The following PROC variants were observed in gnomAD, a reference collection of about 807,000 sequenced individuals.
PROC encodes the protein vitamin K-dependent protein C.
A neutral mutation model predicts 36.3 loss-of-function variants in PROC; 22 were observed. The observed-to-expected ratio is 0.61, with a 90% CI of 0.43 to 0.86. PROC has a LOEUF of 0.86. Among genes scored for constraint, PROC ranks in the 40% least tolerant of loss-of-function variants. The probability of loss-of-function intolerance (pLI) is 0.00; values close to 1 mark genes in which losing one functional copy is unlikely to be tolerated. For missense variants in PROC, 526 were observed against 629.7 expected (o/e 0.84, Z 1.76); for synonymous variants, 218 against 244.5 (o/e 0.89, Z 1.01).
At chr2:127,428,330 A>T (rs1688658950) in intron 8 of PROC, 27 bp from the exon 9 acceptor site, 2 of 1,609,844 alleles carry the variant, frequency 1.2e-6, no homozygotes, top group South Asian at 2.2e-5. Flanking sequence ...CCCGCAGCCC[A>T]CTCTGACTGT....
rs752294542 is a variant in PROC at position 127,421,416 on chromosome 2, G to A, written c.204G>A (p.Glu68=). 5.0e-6 allele frequency: 8 copies of A among 1,613,992 alleles called. No homozygotes were observed. The South Asian group carries it at 7.7e-5, about 16-fold the overall frequency. ...TAGAGGAGATCTGTGACTTCGAGGA[G>A]GCCAAGGAAATTTTCCAAAATGTGG... ...ECIEEICDFE[E]AKEIFQNVDD... The change falls in exon 3 of 9, where the codon GAG becomes GAA. Residue 68 remains glutamate (E), a synonymous_variant. Coordinates refer to ENST00000234071, the MANE Select transcript of PROC (RefSeq NM_000312.4).
At chr2:127,422,981 C>A (rs756826185) in intron 4 of PROC, 40 bp downstream of exon 4, 1 of 1,612,136 alleles carries the variant, frequency 6.2e-7, no homozygotes, top group Non-Finnish European at 8.5e-7. Flanking sequence ...TACCGGCGCC[C>A]GCGCCCCTCG....
In PROC at chr2:127,428,404, A is replaced by G; in HGVS notation, c.844A>G (p.Ile282Val). ...RWEKWELDLDIKEVFVHPNYS... is the reference protein window; with the variant it reads ...RWEKWELDLDVKEVFVHPNYS... ...GGAGAAGTGGGAGCTGGACCTGGAC[A>G]TCAAGGAGGTCTTCGTCCACCCCAA... The change falls in exon 9 of 9, where the codon ATC becomes GTC. Residue 282 changes from isoleucine to valine, a missense_variant. Transcript: ENST00000234071. 6.2e-7 allele frequency: 1 copy of G among 1,614,144 alleles called. No individual in the cohort carries two copies. Among genetic ancestry groups the G allele is most frequent in the East Asian group, 2.2e-5 (1 of 44,882 alleles).
In PROC at chr2:127,428,592, C is replaced by T; in HGVS notation, c.1032C>T (p.Tyr344=). The stretch of plus-strand genomic sequence containing the variant: ...AGACCCTCGTGACGGGCTGGGGCTA[C>T]CACAGCAGCCGAGAGAAGGAGGCCA... The part of the protein sequence containing the change: ...GQETLVTGWG[Y]HSSREKEAKR... Residue 344 remains tyrosine, a synonymous_variant, in exon 9 of 9, where the codon TAC becomes TAT. Transcript: ENST00000234071. 1 of 1,613,834 alleles carries T rather than the reference C, an allele frequency of 6.2e-7. No individual in the cohort carries two copies. Among genetic ancestry groups the T allele is most frequent in the Non-Finnish European group, 8.5e-7 (1 of 1,180,022 alleles).
chr2:127,419,412 G>A (rs983320589), intron 1 of PROC, among the ~76,000 whole-genome samples: 3 of 152,150 alleles, frequency 2.0e-5, no homozygotes, highest in African/African-American at 7.2e-5. Flanking sequence ...TTAAGGCACA[G>A]ATACACCACG....
intron 1 of PROC, 196 bp from the exon 2 acceptor site, chr2:127,419,726 G>A: frequency 7.7e-7 from 1 of 1,299,684 alleles, no homozygotes; most frequent in African/African-American, 1.5e-5. Context: ...GGCAGGCAGT[G>A]TGAGCTCAGC....
chr2:127,419,626 T>A, intron 1 of PROC: 1 of 491,772 alleles, frequency 2.0e-6, no homozygotes, highest in Non-Finnish European at 3.7e-6. Context: ...AGCCCAGTCA[T>A]CAGACCGGCA....
At position 127,420,752 on chromosome 2, in the gene PROC, G is replaced by A. The variant is rs572912448; in HGVS notation, c.71-531G>A. Among the ~76,000 whole-genome samples, 3 of 152,250 alleles carry A rather than the reference G, an allele frequency of 2.0e-5. No individual in the cohort carries two copies. The South Asian group carries it at 6.2e-4, about 32-fold the overall frequency. Reference sequence around the variant, plus strand: ...GGTGATAGGTCTGTCTATCCTCCAGGTGTCCCTGCCCAAGGGGAGAAGCAT... The same window carrying A: ...GGTGATAGGTCTGTCTATCCTCCAGATGTCCCTGCCCAAGGGGAGAAGCAT... On this transcript the variant is annotated intron_variant, in intron 2 of 8. Transcript: ENST00000234071.
chr2:127,422,641 G>A (rs1688168574), intron 3 of PROC, among the ~76,000 whole-genome samples: 1 of 152,212 alleles, frequency 6.6e-6, no homozygotes, highest in Admixed American at 6.5e-5. Flanking sequence ...GCTGCTGTGG[G>A]AGCAGACAGT....
intron 6 of PROC, 166 bp downstream of exon 6, chr2:127,423,574 G>T: frequency 2.2e-6 from 2 of 891,992 alleles, no homozygotes; most frequent in Non-Finnish European, 3.2e-6. Flanking sequence ...CGGGGCCACT[G>T]TTAGCGCAAT....
chr2:127,428,451 C>T lies in PROC; in HGVS notation c.891C>T (p.Asp297=), dbSNP rs5935. The change falls in exon 9 of 9, where the codon GAC becomes GAT. Residue 297 remains aspartate, a synonymous_variant. Transcript: ENST00000234071. ...CCAACTACAGCAAGAGCACCACCGA[C>T]AATGACATCGCACTGCTGCACCTGG... is the stretch of plus-strand genomic sequence containing the variant. ...VHPNYSKSTT[D]NDIALLHLAQ... 4,004 of 1,614,176 alleles carry T rather than the reference C, an allele frequency of 2.5e-3. 90 individuals carry two copies. The East Asian group carries it at 0.044, about 18-fold the overall frequency.
chr2:127,428,482 C>G lies in PROC; in HGVS notation c.922C>G (p.Pro308Ala), dbSNP rs1352502782. The part of the protein sequence containing the change: ...NDIALLHLAQ[P>A]ATLSQTIVPI... ...CATCGCACTGCTGCACCTGGCCCAG[C>G]CCGCCACCCTCTCGCAGACCATAGT... The change falls in exon 9 of 9, where the codon CCC (proline) becomes GCC (alanine). Residue 308 changes from proline (P) to alanine (A), a missense_variant. Physicochemically the swap from Pro to Ala is conservative, Grantham distance 27. Coordinates refer to ENST00000234071, the MANE Select transcript of PROC (RefSeq NM_000312.4). 7 of 1,614,176 alleles carry G rather than the reference C, an allele frequency of 4.3e-6. No homozygotes were observed. The highest frequency in any genetic ancestry group is 2.2e-5 in the East Asian group (1 of 44,886).
intron 8 of PROC, among the ~76,000 whole-genome samples, chr2:127,428,047 C>T (rs1186094990): frequency 6.6e-6 from 1 of 152,210 alleles, no homozygotes; most frequent in African/African-American, 2.4e-5. Flanking sequence ...TCGGGCTTCC[C>T]TGCTGCCCAT....
Position 127,426,315 on chromosome 2 carries a change from C to G in PROC, c.678+88C>G. ...GCAGCTATGCTCAGGGTGCAGAAAC[C>G]GAGAGGGAAGCGCTGCCATTGCGTT... On this transcript the variant is annotated intron_variant, in intron 7 of 8. Transcript: ENST00000234071. The surrounding 1 kb of genome is among the most constrained non-coding windows in gnomAD (Gnocchi z 7.0). The G allele has an allele frequency of 6.4e-7, 1 of 1,574,104 alleles. No individual in the cohort carries two copies. Among genetic ancestry groups the G allele is most frequent in the Non-Finnish European group, 8.7e-7 (1 of 1,146,954 alleles).
intron 6 of PROC, chr2:127,423,611 G>T: frequency 1.5e-6 from 1 of 675,208 alleles, no homozygotes. Context: ...CGCGCCCTCC[G>T]CTTTCCCTGC....
chr2:127,426,358 G>A lies in PROC; in HGVS notation c.678+131G>A. The A allele has an allele frequency of 7.3e-7, 1 of 1,374,072 alleles. No homozygotes were observed. The highest frequency in any genetic ancestry group is 2.3e-5 in the East Asian group (1 of 42,688). 85.1% of individuals were successfully genotyped at this position (1,374,072 alleles called of 1,614,324 possible). A position where few individuals can be genotyped will look rare whatever the true frequency, so the allele number is the denominator to read the frequency against. On this transcript the variant is annotated intron_variant, in intron 7 of 8. Coordinates refer to ENST00000234071, the MANE Select transcript of PROC (RefSeq NM_000312.4). The surrounding 1 kb of genome is among the most constrained non-coding windows in gnomAD (Gnocchi z 7.0). ...ATTGCGTTTGGGGGATGATGAAGGTGGGGGATGCTTCAGGGAAAGATGGAC... is the reference window on the plus strand; with the variant it reads ...ATTGCGTTTGGGGGATGATGAAGGTAGGGGATGCTTCAGGGAAAGATGGAC...
chr2:127,425,313 A>T (rs1688416703), intron 6 of PROC, among the ~76,000 whole-genome samples: 1 of 152,030 alleles, frequency 6.6e-6, no homozygotes, highest in South Asian at 2.1e-4. Flanking sequence ...TGCCCTTTCC[A>T]TTCTTTTGTT....
At chr2:127,422,984 G>GC (rs1384923164) in intron 4 of PROC, 43 bp downstream of exon 4, 32 of 1,612,190 alleles carry the variant, frequency 2.0e-5, no homozygotes, top group Non-Finnish European at 2.6e-5. Flanking sequence ...CGGCGCCCGC[G>GC]CCCCTCGGGA....
chr2:127,426,282 C>A lies in PROC; in HGVS notation c.678+55C>A. On this transcript the variant is annotated intron_variant, in intron 7 of 8. Coordinates refer to ENST00000234071, the MANE Select transcript of PROC (RefSeq NM_000312.4). The surrounding 1 kb of genome is among the most constrained non-coding windows in gnomAD (Gnocchi z 7.0). Reference sequence around the variant, plus strand: ...CGTGCTGGGTCCGGGATCACTGAGTCCATCCTGGCAGCTATGCTCAGGGTG... The same window carrying A: ...CGTGCTGGGTCCGGGATCACTGAGTACATCCTGGCAGCTATGCTCAGGGTG... The A allele has an allele frequency of 1.9e-6, 3 of 1,611,200 alleles. No homozygotes were observed. Among genetic ancestry groups the A allele is most frequent in the Non-Finnish European group, 2.5e-6 (3 of 1,178,076 alleles).
Sources: gnomAD v4.1 joint callset for allele counts (sites outside exome capture counted in the v4.1 genomes callset) on GRCh38, gnomAD v4.1.1 for gene constraint, Gnocchi (gnomAD v3.1) non-coding constraint, MANE v1.5 for transcripts, NCBI Gene and HGNC (gene_info 2026-07-23, HGNC 2026-07-21) for gene names.